UBE2D3: variants seen among roughly 807,000 people sequenced by gnomAD.
The protein encoded by UBE2D3 is ubiquitin conjugating enzyme E2 D3.
UBE2D3 carries 2 observed loss-of-function variants against 22.8 expected under a neutral mutation model. The ratio of observed to expected loss-of-function variants is 0.09; its 90% confidence interval spans 0.04 to 0.28. The LOEUF (loss-of-function observed/expected upper bound fraction) is 0.28. UBE2D3 is among the 10% of genes least tolerant of loss of function. UBE2D3 has a pLI of 1.00. For missense variants in UBE2D3, 27 were observed against 182.5 expected (o/e 0.15, Z 4.91); for synonymous variants, 56 against 60.4 (o/e 0.93, Z 0.34).
intron 1 of UBE2D3, among the ~76,000 whole-genome samples, chr4:102,864,487 A>T (rs1733055406): frequency 7.2e-6 from 1 of 138,730 alleles, no homozygotes; most frequent in African/African-American, 2.8e-5. Context: ...AAAATTGCTG[A>T]ATTTAAGGTC....
chr4:102,827,914 C>A, upstream of UBE2D3: 6 of 985,640 alleles, frequency 6.1e-6, no homozygotes, highest in Non-Finnish European at 7.2e-6. Flanking sequence ...GCCCCACGCC[C>A]CTCCCCACAG....
chr4:102,816,053 A>T (rs1217737085), intron 2 of UBE2D3, among the ~76,000 whole-genome samples: 1 of 152,222 alleles, frequency 6.6e-6, no homozygotes, highest in Non-Finnish European at 1.5e-5. Context: ...TATCGTAGGA[A>T]AAAAAAGTGA....
In UBE2D3 at chr4:102,799,365, T is replaced by C. The variant is rs745526910; in HGVS notation, c.398+42A>G. The C allele has an allele frequency of 3.9e-6, 6 of 1,536,160 alleles. No individual in the cohort carries two copies. In the African/African-American group the frequency reaches 6.9e-5, roughly 18 times the overall value. On this transcript the variant is annotated intron_variant, in intron 7 of 7. Coordinates refer to ENST00000453744, the MANE Select transcript of UBE2D3 (RefSeq NM_181891.3). ...ACAAGCAAAGTATAAGCCTAACTCA[T>C]TAAGTAAAACCACTTTTATAATAAC...
chr4:102,859,392 A>C (rs528355170), intron 1 of UBE2D3, among the ~76,000 whole-genome samples: 2 of 152,114 alleles, frequency 1.3e-5, no homozygotes, highest in East Asian at 3.9e-4. Context: ...AAAAATTTTC[A>C]TATCAGACAG....
chr4:102,801,368 CCAT>C, intron 6 of UBE2D3, 83 bp downstream of exon 6: 2 of 1,172,976 alleles, frequency 1.7e-6, no homozygotes, highest in Non-Finnish European at 2.4e-6. Flanking sequence ...CAAAAAGCTG[CCAT>C]AATAAAAATA....
At chr4:102,804,840 A>T (rs1647559027) in intron 4 of UBE2D3, among the ~76,000 whole-genome samples, 1 of 151,986 alleles carries the variant, frequency 6.6e-6, no homozygotes, top group Admixed American at 6.6e-5. Context: ...ACAGTTGGCT[A>T]ATTTTTTTTG....
chr4:102,807,642 A>G (rs2110274923), intron 4 of UBE2D3, among the ~76,000 whole-genome samples: 1 of 152,340 alleles, frequency 6.6e-6, no homozygotes, highest in East Asian at 1.9e-4. Flanking sequence ...GGTTGCTGAA[A>G]AAGTTCAGCA....
intron 2 of UBE2D3, among the ~76,000 whole-genome samples, chr4:102,820,959 G>A (rs1729510743): frequency 6.6e-6 from 1 of 152,144 alleles, no homozygotes; most frequent in South Asian, 2.1e-4. Flanking sequence ...AGATTATGTT[G>A]AAAGTATCAT....
upstream of UBE2D3, among the ~76,000 whole-genome samples, chr4:102,831,659 G>T (rs1731122714): frequency 6.6e-6 from 1 of 152,092 alleles, no homozygotes; most frequent in South Asian, 2.1e-4. Flanking sequence ...AGACACAAAA[G>T]GCCACATACT....
At chr4:102,824,748 C>T (rs962980562) in intron 2 of UBE2D3, among the ~76,000 whole-genome samples, 3 of 152,336 alleles carry the variant, frequency 2.0e-5, no homozygotes, top group African/African-American at 7.2e-5. Context: ...TGGTACTATT[C>T]CACATTTTAG....
chr4:102,802,746 T>G, intron 4 of UBE2D3, 108 bp from the exon 5 acceptor site: 3 of 713,586 alleles, frequency 4.2e-6, no homozygotes, highest in Non-Finnish European at 6.6e-6. Context: ...ATCACCTATT[T>G]ACACTGCAAT....
chr4:102,826,795 G>A (rs965039752), intron 1 of UBE2D3, 159 bp from the exon 2 acceptor site: 6 of 1,263,304 alleles, frequency 4.7e-6, no homozygotes, highest in Non-Finnish European at 6.0e-6. Flanking sequence ...GTGGGGGCGA[G>A]GGTGACGGGA....
intron 2 of UBE2D3, among the ~76,000 whole-genome samples, chr4:102,818,750 C>CT (rs1255493517): frequency 4.7e-5 from 7 of 147,988 alleles, no homozygotes; most frequent in African/African-American, 1.8e-4. Flanking sequence ...GGTTTGGTCA[C>CT]TATTTTTTTT....
chr4:102,837,480 T>C (rs944607025), intron 1 of UBE2D3, among the ~76,000 whole-genome samples: 3 of 152,230 alleles, frequency 2.0e-5, no homozygotes, highest in Non-Finnish European at 2.9e-5. Context: ...TCCAACAGCA[T>C]GTGCCTACTT....
Position 102,800,403 on chromosome 4 carries a change from A to G in UBE2D3, c.305-903T>C, listed in dbSNP as rs935429556. Among the ~76,000 whole-genome samples the G allele has an allele frequency of 2.5e-4, 38 of 152,202 alleles. 1 individual carries two copies. In the East Asian group the frequency reaches 6.7e-3, roughly 27 times the overall value. On this transcript the variant is annotated intron_variant, in intron 6 of 7. Coordinates refer to ENST00000453744, the MANE Select transcript of UBE2D3 (RefSeq NM_181891.3). Reference sequence around the variant, plus strand: ...AGCTTCAGTTGTGACTGCTAGTTTAATAAGTTAGCAAAGTATGGCTGCCAA... The same window carrying G: ...AGCTTCAGTTGTGACTGCTAGTTTAGTAAGTTAGCAAAGTATGGCTGCCAA...
chr4:102,840,183 G>A (rs1437600336), intron 1 of UBE2D3, among the ~76,000 whole-genome samples: 1 of 152,106 alleles, frequency 6.6e-6, no homozygotes, highest in Non-Finnish European at 1.5e-5. Flanking sequence ...CAGCCTCTAT[G>A]GAAACACAGT....
intron 3 of UBE2D3, 28 bp from the exon 4 acceptor site, chr4:102,809,731 T>A: frequency 6.2e-7 from 1 of 1,613,202 alleles, no homozygotes; most frequent in Non-Finnish European, 8.5e-7. Flanking sequence ...ACTCTGGTTA[T>A]CTAAAAATGC....
upstream of UBE2D3, among the ~76,000 whole-genome samples, chr4:102,830,477 T>A (rs1029348311): frequency 1.3e-5 from 2 of 152,222 alleles, no homozygotes; most frequent in African/African-American, 4.8e-5. Context: ...CCTTCCTTAA[T>A]AAATACTATT....
intron 6 of UBE2D3, among the ~76,000 whole-genome samples, chr4:102,801,225 G>T (rs1427243576): frequency 6.6e-6 from 1 of 151,356 alleles, no homozygotes; most frequent in Non-Finnish European, 1.5e-5. Context: ...ATGAGATGAA[G>T]GTAACTCATT....
Sources: gnomAD v4.1 joint callset for allele counts (sites outside exome capture counted in the v4.1 genomes callset) on GRCh38, gnomAD v4.1.1 for gene constraint, MANE v1.5 for transcripts, NCBI Gene and HGNC (gene_info 2026-07-23, HGNC 2026-07-21) for gene names.